NECTIN3: variants seen among roughly 807,000 people sequenced by gnomAD.
NECTIN3 encodes nectin cell adhesion molecule 3, also known as nectin-3.
Under a neutral mutation model 49.4 loss-of-function variants are expected in NECTIN3, and 8 were observed. That is an observed-to-expected ratio of 0.16 (90% CI 0.10 to 0.29). The LOEUF (loss-of-function observed/expected upper bound fraction) is 0.29. Ranked by LOEUF, NECTIN3 falls within the 10% of genes least tolerant of loss-of-function variation. The pLI, the probability that NECTIN3 is intolerant of heterozygous loss-of-function variation, is 1.00. For synonymous variants in NECTIN3, 277 were observed against 241.1 expected (o/e 1.15, Z -1.38); for missense variants, 581 against 654.6 (o/e 0.89, Z 1.23).
Position 111,134,843 on chromosome 3 carries a change from G to T in NECTIN3, c.*628G>T. The T allele has an allele frequency of 1.0e-6, 1 of 981,510 alleles. No individual in the cohort carries two copies. The highest frequency in any genetic ancestry group is 1.2e-6 in the Non-Finnish European group (1 of 826,572). The allele number at this position is 981,510 out of a possible 1,614,324, so 60.8% of individuals were successfully genotyped here. A position where few individuals can be genotyped will look rare whatever the true frequency, so the allele number is the denominator to read the frequency against. On this transcript the variant is annotated 3_prime_UTR_variant, in exon 6 of 6. Coordinates refer to ENST00000485303, the MANE Select transcript of NECTIN3 (RefSeq NM_015480.3). ...TAGAGTGGCTTTTCAAAGATATTTT[G>T]TTGCACTAAAACTGTGGTAGTAAAC...
At chr3:111,119,692 A>G (rs1001296189) in intron 3 of NECTIN3, among the ~76,000 whole-genome samples, 1 of 152,206 alleles carries the variant, frequency 6.6e-6, no homozygotes, top group Admixed American at 6.5e-5. Context: ...AGTGTTTAAT[A>G]CATTCTTTGT....
chr3:111,117,490 G>A (rs766755461), intron 2 of NECTIN3, among the ~76,000 whole-genome samples: 2 of 152,012 alleles, frequency 1.3e-5, no homozygotes, highest in Non-Finnish European at 2.9e-5. Context: ...CTGTAAAATT[G>A]TTCATTGCGT....
intron 1 of NECTIN3, among the ~76,000 whole-genome samples, chr3:111,095,898 G>C (rs974571935): frequency 1.3e-5 from 2 of 152,108 alleles, no homozygotes; most frequent in African/African-American, 4.8e-5. Context: ...GCTCAGTCTC[G>C]GGTATGTCTT....
At chr3:111,169,491 A>G (rs1297233883) in intron 7 of NECTIN3, among the ~76,000 whole-genome samples, 1 of 151,784 alleles carries the variant, frequency 6.6e-6, no homozygotes, top group Non-Finnish European at 1.5e-5. Context: ...TTGTCAATAA[A>G]TATTTTTGCC....
intron 7 of NECTIN3, among the ~76,000 whole-genome samples, chr3:111,183,702 C>CT (rs1056394256): frequency 2.6e-5 from 4 of 151,646 alleles, no homozygotes; most frequent in African/African-American, 4.8e-5. Flanking sequence ...TTCTGTACTC[C>CT]TTTTTTTTCT....
At chr3:111,080,240 A>G (rs1373011869) in intron 1 of NECTIN3, among the ~76,000 whole-genome samples, 2 of 152,106 alleles carry the variant, frequency 1.3e-5, no homozygotes, top group African/African-American at 2.4e-5. Context: ...GTACTCAGCA[A>G]TTATGTTGGC....
At chr3:111,116,219 A>G (rs2033685217) in intron 2 of NECTIN3, among the ~76,000 whole-genome samples, 1 of 152,170 alleles carries the variant, frequency 6.6e-6, no homozygotes, top group African/African-American at 2.4e-5. Context: ...GAGTTATAAG[A>G]AGAACTCAGG....
chr3:111,165,559 A>G (rs1417471991), intron 7 of NECTIN3, among the ~76,000 whole-genome samples: 2 of 152,174 alleles, frequency 1.3e-5, no homozygotes, highest in African/African-American at 4.8e-5. Flanking sequence ...ACTGCCCCAT[A>G]CTGCCGGAGT....
chr3:111,116,884 C>G (rs1196984929), intron 2 of NECTIN3, among the ~76,000 whole-genome samples: 1 of 151,852 alleles, frequency 6.6e-6, no homozygotes, highest in African/African-American at 2.4e-5. Flanking sequence ...AGTATATGGA[C>G]CAGCAGGAGC....
intron 7 of NECTIN3, among the ~76,000 whole-genome samples, chr3:111,155,068 G>T (rs1250445220): frequency 6.6e-6 from 1 of 152,100 alleles, no homozygotes; most frequent in Non-Finnish European, 1.5e-5. Context: ...CTCCCAAGTA[G>T]CTGGGACTAC....
intron 1 of NECTIN3, among the ~76,000 whole-genome samples, chr3:111,192,962 A>C (rs1182793785): frequency 4.6e-5 from 7 of 152,200 alleles, no homozygotes; most frequent in East Asian, 3.8e-4. Flanking sequence ...AACTGATCCC[A>C]GTCCCCATTA....
chr3:111,184,935 G>C (rs1262693400), intron 7 of NECTIN3, among the ~76,000 whole-genome samples: 1 of 152,184 alleles, frequency 6.6e-6, no homozygotes. Context: ...CTGGGTCTCT[G>C]CTGGATGTCT....
intron 7 of NECTIN3, among the ~76,000 whole-genome samples, chr3:111,178,905 T>C (rs1028674923): frequency 3.3e-5 from 5 of 152,202 alleles, no homozygotes; most frequent in African/African-American, 1.2e-4. Context: ...TCTTCATCTG[T>C]GATATGGGGA....
chr3:111,083,235 G>A (rs987196120), intron 1 of NECTIN3, among the ~76,000 whole-genome samples: 4 of 152,144 alleles, frequency 2.6e-5, no homozygotes, highest in Non-Finnish European at 4.4e-5. Context: ...GGGAAAGAAA[G>A]GAAAGAGAAA....
chr3:111,122,394 T>G (rs956825550), intron 4 of NECTIN3, among the ~76,000 whole-genome samples, 156 bp downstream of exon 4: 1 of 152,162 alleles, frequency 6.6e-6, no homozygotes, highest in African/African-American at 2.4e-5. Flanking sequence ...TGTCCCCACC[T>G]TCCTACCCCC....
At chr3:111,132,833 A>G (rs2034442307) in intron 5 of NECTIN3, among the ~76,000 whole-genome samples, 1 of 151,978 alleles carries the variant, frequency 6.6e-6, no homozygotes, top group Non-Finnish European at 1.5e-5. Context: ...GAATGTTTAG[A>G]TAACTTGCCC....
At chr3:111,123,292 C>T (rs2034029044) in intron 4 of NECTIN3, among the ~76,000 whole-genome samples, 1 of 152,148 alleles carries the variant, frequency 6.6e-6, no homozygotes, top group East Asian at 1.9e-4. Flanking sequence ...TTTTTTTCTG[C>T]TTTCTACATA....
At chr3:111,103,032 C>T (rs930180521) in intron 1 of NECTIN3, among the ~76,000 whole-genome samples, 3 of 152,112 alleles carry the variant, frequency 2.0e-5, no homozygotes, top group East Asian at 1.9e-4. Context: ...GCCAATACCA[C>T]GTGGTCTTGA....
rs1344218054 is a variant in NECTIN3, at chr3:111,136,178, G to T, written c.*1963G>T. 3.1e-6 allele frequency: 3 copies of T among 972,776 alleles called. No homozygotes were observed. The highest frequency in any genetic ancestry group is 3.5e-5 in the African/African-American group (2 of 56,910). 60.3% of individuals were successfully genotyped at this position (972,776 alleles called of 1,614,324 possible). On this transcript the variant is annotated 3_prime_UTR_variant, in exon 6 of 6. Coordinates refer to ENST00000485303, the MANE Select transcript of NECTIN3 (RefSeq NM_015480.3). The stretch of plus-strand genomic sequence containing the variant: ...TCAAAATTTCATCTTTTAAAATAAT[G>T]GTTTGAAATACTGTATGGATCTGAA...
Sources: allele counts gnomAD v4.1 joint callset (sites outside exome capture counted in the v4.1 genomes callset), GRCh38; gene constraint gnomAD v4.1.1; transcripts MANE v1.5; gene names NCBI Gene and HGNC (gene_info 2026-07-23, HGNC 2026-07-21).